RBFOX1: variants seen among roughly 807,000 people sequenced by gnomAD.
The protein encoded by RBFOX1 is RNA binding protein fox-1 homolog 1.
In RBFOX1, 8 loss-of-function variants were observed where a neutral mutation model predicts 57.7. The ratio of observed to expected loss-of-function variants is 0.14; its 90% confidence interval spans 0.08 to 0.25. RBFOX1 has a LOEUF of 0.25. Ranked by LOEUF, RBFOX1 falls within the 10% of genes least tolerant of loss-of-function variation. The pLI is 1.00. For missense variants in RBFOX1, 611 were observed against 548.5 expected (o/e 1.11, Z -1.14); for synonymous variants, 326 against 222.4 (o/e 1.47, Z -4.15).
rs1238964112 is a variant in RBFOX1, at chr16:7,157,066, C to T, written c.27+104968C>T. 2.6e-5 allele frequency among the ~76,000 whole-genome samples: 4 copies of T among 152,168 alleles called. No homozygotes were observed. In the East Asian group the frequency reaches 5.8e-4, roughly 22 times the overall value. On this transcript the variant is annotated intron_variant, in intron 4 of 15. Transcript: ENST00000550418. ...GCTCTCCTGTTTTTCCCCTATTATA[C>T]TTGATTATGCTACTAAATATTCAGC...
At chr16:6,591,124 T>C (rs1196751955) in intron 2 of RBFOX1, among the ~76,000 whole-genome samples, 4 of 152,190 alleles carry the variant, frequency 2.6e-5, no homozygotes, top group African/African-American at 9.7e-5. Context: ...GTTCGCACAC[T>C]GTGTATTATA....
chr16:6,567,249 C>T (rs2097279705), intron 2 of RBFOX1, among the ~76,000 whole-genome samples: 2 of 152,200 alleles, frequency 1.3e-5, no homozygotes, highest in African/African-American at 2.4e-5. Context: ...AAATTTCATT[C>T]AGATACGGTA....
At chr16:7,222,925 C>G (rs961322668) in intron 4 of RBFOX1, among the ~76,000 whole-genome samples, 4 of 152,174 alleles carry the variant, frequency 2.6e-5, no homozygotes. Flanking sequence ...AACCAGTCCT[C>G]TCATTTGCAG....
At chr16:7,058,005 G>GAAAAAAAAAAAAAAAAA (rs145498650) in intron 4 of RBFOX1, among the ~76,000 whole-genome samples, 1 of 121,618 alleles carries the variant, frequency 8.2e-6, no homozygotes. Flanking sequence ...GAGACTGTGG[G>GAAAAAAAAAAAAAAAAA]GAAAAAAAAA....
chr16:5,538,608 C>A (rs1001687470), intron 2 of RBFOX1, among the ~76,000 whole-genome samples: 1 of 140,126 alleles, frequency 7.1e-6, no homozygotes, highest in Non-Finnish European at 1.5e-5. Context: ...CCTTTTCTGG[C>A]TTTATTTCTT....
chr16:6,904,784 G>C (rs2069403008), intron 3 of RBFOX1, among the ~76,000 whole-genome samples: 1 of 152,018 alleles, frequency 6.6e-6, no homozygotes, highest in Admixed American at 6.6e-5. Flanking sequence ...CGGGCTACTT[G>C]TGTTACACAA....
At chr16:5,383,987 A>C (rs2066195471) in intron 1 of RBFOX1, among the ~76,000 whole-genome samples, 1 of 152,138 alleles carries the variant, frequency 6.6e-6, no homozygotes, top group Admixed American at 6.5e-5. Context: ...TGGCTTCACT[A>C]TCAGGAAGTC....
chr16:6,648,722 G>C (rs1349550053), intron 2 of RBFOX1, among the ~76,000 whole-genome samples: 1 of 152,090 alleles, frequency 6.6e-6, no homozygotes, highest in Non-Finnish European at 1.5e-5. Context: ...TGCATCACCT[G>C]GTCAGAACAG....
At chr16:5,548,565 C>T (rs866010255) in intron 2 of RBFOX1, among the ~76,000 whole-genome samples, 2 of 152,050 alleles carry the variant, frequency 1.3e-5, no homozygotes, top group South Asian at 4.2e-4. Flanking sequence ...CCCCATTCTC[C>T]ATGATGTGTT....
intron 1 of RBFOX1, among the ~76,000 whole-genome samples, chr16:5,364,204 C>T (rs188361880): frequency 4.6e-5 from 7 of 152,226 alleles, no homozygotes; most frequent in Non-Finnish European, 1.0e-4. Context: ...GGAACAACTT[C>T]TCCTAGAAGT....
intron 3 of RBFOX1, among the ~76,000 whole-genome samples, chr16:6,808,928 G>C (rs551396831): frequency 1.3e-5 from 2 of 152,280 alleles, no homozygotes; most frequent in East Asian, 3.9e-4. Flanking sequence ...AACTAAATAT[G>C]TCCTGAGAAG....
intron 3 of RBFOX1, among the ~76,000 whole-genome samples, chr16:5,619,710 A>C (rs1174149482): frequency 1.3e-5 from 2 of 152,140 alleles, no homozygotes; most frequent in African/African-American, 2.4e-5. Context: ...AGGAGGCTCC[A>C]CTGGGAGCTT....
intron 1 of RBFOX1, among the ~76,000 whole-genome samples, chr16:6,041,817 G>A (rs903000803): frequency 6.6e-6 from 1 of 152,150 alleles, no homozygotes; most frequent in Admixed American, 6.6e-5. Flanking sequence ...TCCTCAGTGT[G>A]TAGTTTCCAT....
chr16:6,552,427 A>G (rs1268955981), intron 2 of RBFOX1, among the ~76,000 whole-genome samples: 1 of 152,166 alleles, frequency 6.6e-6, no homozygotes, highest in East Asian at 1.9e-4. Flanking sequence ...CATCTGTAAA[A>G]TGGAATAATA....
At chr16:7,168,638 A>T (rs1341480392) in intron 4 of RBFOX1, among the ~76,000 whole-genome samples, 1 of 152,180 alleles carries the variant, frequency 6.6e-6, no homozygotes, top group Non-Finnish European at 1.5e-5. Context: ...TGTCTTCTGC[A>T]TATTTCACTG....
Position 7,070,884 on chromosome 16 carries a change from A to G in RBFOX1, c.27+18786A>G, listed in dbSNP as rs572289294. On this transcript the variant is annotated intron_variant, in intron 4 of 15. Transcript: ENST00000550418. ...GGGTGACAAAACCAGCACTGACAAG[A>G]CTGTGGTTGTTGGGTAGGTGAAGGG... is the stretch of plus-strand genomic sequence containing the variant. Among the ~76,000 whole-genome samples, 195 of 152,254 alleles carry G rather than the reference A, an allele frequency of 1.3e-3. 1 individual carries two copies. Among genetic ancestry groups the G allele is most frequent in the African/African-American group, 4.6e-3 (191 of 41,562 alleles).
intron 1 of RBFOX1, among the ~76,000 whole-genome samples, chr16:6,054,153 A>G (rs934938372): frequency 6.6e-6 from 1 of 152,198 alleles, no homozygotes; most frequent in Admixed American, 6.5e-5. Context: ...GGAGGAAGCT[A>G]AAGTTATAGT....
intron 4 of RBFOX1, among the ~76,000 whole-genome samples, chr16:7,312,418 A>G (rs1285235364): frequency 6.6e-6 from 1 of 152,226 alleles, no homozygotes; most frequent in African/African-American, 2.4e-5. Flanking sequence ...AAGGAAGGCA[A>G]TATGTTAAAG....
At chr16:6,672,405 A>C (rs973887579) in intron 3 of RBFOX1, among the ~76,000 whole-genome samples, 1 of 151,162 alleles carries the variant, frequency 6.6e-6, no homozygotes, top group Non-Finnish European at 1.5e-5. Context: ...GAGAAAAGGA[A>C]GGACGGATGG....
Sources: gnomAD v4.1 joint callset for allele counts (sites outside exome capture counted in the v4.1 genomes callset) on GRCh38, gnomAD v4.1.1 for gene constraint, MANE v1.5 for transcripts, NCBI Gene and HGNC (gene_info 2026-07-23, HGNC 2026-07-21) for gene names.